Variants in CAMTA1 observed in about 807,000 individuals in gnomAD.
The protein encoded by CAMTA1 is calmodulin-binding transcription activator 1.
CAMTA1 carries 27 observed loss-of-function variants against 170.9 expected under a neutral mutation model. That is an observed-to-expected ratio of 0.16 (90% confidence interval 0.12 to 0.22). The LOEUF (loss-of-function observed/expected upper bound fraction) is 0.22. Among genes scored for constraint, CAMTA1 ranks in the 10% least tolerant of loss-of-function variants. CAMTA1 has a pLI of 1.00. For synonymous variants in CAMTA1, 833 were observed against 891.5 expected, an observed-to-expected ratio of 0.93 and a Z score of 1.17; for missense variants, 1,619 against 2,217.2, an observed-to-expected ratio of 0.73 and a Z score of 5.42.
chr1:6,853,940 C>CA (rs1391574313), intron 3 of CAMTA1, among the ~76,000 whole-genome samples: 1 of 152,174 alleles, frequency 6.6e-6, no homozygotes, highest in East Asian at 1.9e-4. Context: ...TGACAAAGAA[C>CA]AGACAAATCT....
chr1:7,137,383 G>C (rs980309372), intron 4 of CAMTA1, among the ~76,000 whole-genome samples: 1 of 152,168 alleles, frequency 6.6e-6, no homozygotes, highest in African/African-American at 2.4e-5. Flanking sequence ...AAGTCTAGAA[G>C]ACCCTGCTGG....
chr1:7,062,393 CAAG>C (rs944145259), intron 3 of CAMTA1, among the ~76,000 whole-genome samples: 26 of 151,998 alleles, frequency 1.7e-4, no homozygotes, highest in African/African-American at 6.3e-4. Flanking sequence ...AAAAAGTGAG[CAAG>C]AAGAAGATAG....
intron 11 of CAMTA1, among the ~76,000 whole-genome samples, chr1:7,714,675 C>G (rs1274362935): frequency 1.3e-5 from 2 of 152,088 alleles, no homozygotes; most frequent in Middle Eastern, 3.2e-3. Context: ...GTGCGTGTCA[C>G]CACACCTGGC....
At chr1:7,266,375 A>T (rs1035318111) in intron 5 of CAMTA1, among the ~76,000 whole-genome samples, 1 of 152,224 alleles carries the variant, frequency 6.6e-6, no homozygotes, top group Non-Finnish European at 1.5e-5. Context: ...GGGACCCCAG[A>T]GCCCTTTCCC....
intron 3 of CAMTA1, among the ~76,000 whole-genome samples, chr1:7,034,513 C>T (rs957458042): frequency 4.6e-5 from 7 of 152,222 alleles, no homozygotes; most frequent in South Asian, 2.1e-4. Context: ...TCCTCATACA[C>T]GTGCACTGAT....
At chr1:7,614,856 A>C (rs1215031520) in intron 6 of CAMTA1, among the ~76,000 whole-genome samples, 2 of 152,108 alleles carry the variant, frequency 1.3e-5, no homozygotes, top group African/African-American at 4.8e-5. Flanking sequence ...CTCCATCTGC[A>C]TCCACTTAAC....
intron 5 of CAMTA1, among the ~76,000 whole-genome samples, chr1:7,287,521 G>A (rs1239796157): frequency 3.3e-5 from 5 of 151,808 alleles, no homozygotes; most frequent in African/African-American, 7.3e-5. Flanking sequence ...ATTTTTACAC[G>A]TTGTATTGGT....
At chr1:7,709,980 T>G (rs2096557008) in intron 11 of CAMTA1, among the ~76,000 whole-genome samples, 1 of 152,248 alleles carries the variant, frequency 6.6e-6, no homozygotes, top group Non-Finnish European at 1.5e-5. Context: ...GCCACTAGAC[T>G]GGATATTTCC....
At chr1:7,087,757 A>G (rs1247938989) in intron 3 of CAMTA1, among the ~76,000 whole-genome samples, 1 of 152,244 alleles carries the variant, frequency 6.6e-6, no homozygotes, top group Non-Finnish European at 1.5e-5. Context: ...ATGGTCCCAC[A>G]TAAGTCCTAG....
chr1:7,713,821 G>A (rs3121221), intron 11 of CAMTA1, among the ~76,000 whole-genome samples: 147,747 of 152,202 alleles, frequency 0.97, 71,849 homozygotes, highest in East Asian at 1. Flanking sequence ...CCCCTGAACA[G>A]AAAGCGCAAG....
intron 6 of CAMTA1, among the ~76,000 whole-genome samples, chr1:7,529,419 T>C (rs1229086422): frequency 1.3e-5 from 2 of 152,154 alleles, no homozygotes; most frequent in African/African-American, 4.8e-5. Context: ...GGCCTTGCAC[T>C]GACCCCGTGC....
chr1:7,121,993 C>T (rs913647720), intron 4 of CAMTA1, among the ~76,000 whole-genome samples: 1 of 151,980 alleles, frequency 6.6e-6, no homozygotes, highest in Non-Finnish European at 1.5e-5. Context: ...CCCCCTGGCT[C>T]CTCATCCCTC....
chr1:7,089,476 ACT>A (rs1313617105), intron 3 of CAMTA1, among the ~76,000 whole-genome samples: 2 of 151,242 alleles, frequency 1.3e-5, no homozygotes, highest in Non-Finnish European at 2.9e-5. Flanking sequence ...ACACACACAC[ACT>A]CTCTCACTCA....
Position 7,018,215 on chromosome 1 carries a change from G to A in CAMTA1, c.235-73089G>A, listed in dbSNP as rs951994815. ...TGGGGATGGATGGAGCGGGGGCTTA[G>A]GACTCCTCTCTCGACTCCTGGGTCA... On this transcript the variant is annotated intron_variant, in intron 3 of 22. Coordinates refer to ENST00000303635, the MANE Select transcript of CAMTA1 (RefSeq NM_015215.4). Among the ~76,000 whole-genome samples, 4 of 147,804 alleles carry A rather than the reference G, an allele frequency of 2.7e-5. No homozygotes were observed. In the Admixed American group the frequency reaches 2.9e-4, roughly 11 times the overall value.
In CAMTA1 at chr1:6,971,860, G is replaced by A. The variant is rs188411992; in HGVS notation, c.235-119444G>A. 4.7e-4 allele frequency among the ~76,000 whole-genome samples: 71 copies of A among 152,340 alleles called. 1 individual carries two copies. The highest frequency in any genetic ancestry group is 4.1e-4 in the South Asian group (2 of 4,824). ...GTGACTTGGCTCCGCTGCCATTGGC[G>A]TCAGCAAGGCCCGTCAGCCTCCCCA... On this transcript the variant is annotated intron_variant, in intron 3 of 22. Coordinates refer to ENST00000303635, the MANE Select transcript of CAMTA1 (RefSeq NM_015215.4). This position sits in a 1 kb window ranked among gnomAD's most constrained non-coding sequence, Gnocchi z 4.6.
At chr1:7,691,261 G>C (rs2096308178) in intron 11 of CAMTA1, among the ~76,000 whole-genome samples, 1 of 152,196 alleles carries the variant, frequency 6.6e-6, no homozygotes, top group Admixed American at 6.5e-5. Flanking sequence ...AAACTCTGTG[G>C]TGGGAGGGAG....
At chr1:7,449,442 G>A (rs911882846) in intron 5 of CAMTA1, among the ~76,000 whole-genome samples, 13 of 152,124 alleles carry the variant, frequency 8.5e-5, no homozygotes, top group Non-Finnish European at 1.3e-4. Context: ...CTCTGACCTC[G>A]TCTTTTCCAA....
intron 5 of CAMTA1, among the ~76,000 whole-genome samples, chr1:7,391,000 G>T (rs2088641253): frequency 6.6e-6 from 1 of 152,046 alleles, no homozygotes. Flanking sequence ...GAGAATCTGG[G>T]TTGTTGTTTT....
chr1:7,111,266 C>T (rs962433310), intron 4 of CAMTA1, among the ~76,000 whole-genome samples: 5 of 152,212 alleles, frequency 3.3e-5, no homozygotes, highest in Non-Finnish European at 5.9e-5. Context: ...AACTTACTTC[C>T]CCTTTACCAC....
Sources: gnomAD v4.1 joint callset for allele counts (sites outside exome capture counted in the v4.1 genomes callset) on GRCh38, gnomAD v4.1.1 for gene constraint, Gnocchi (gnomAD v3.1) non-coding constraint, MANE v1.5 for transcripts, NCBI Gene and HGNC (gene_info 2026-07-23, HGNC 2026-07-21) for gene names.